The following SCIN variants were observed in gnomAD, a reference collection of about 807,000 sequenced individuals.
The protein encoded by SCIN is scinderin, also known as adseverin.
SCIN carries 91 observed loss-of-function variants against 91.8 expected under a neutral mutation model. That is an observed-to-expected ratio of 0.99 (90% confidence interval 0.84 to 1.18). The LOEUF (loss-of-function observed/expected upper bound fraction) is 1.18. Ranked by LOEUF, SCIN falls within the 50% of genes most tolerant of loss-of-function variation. The probability of loss-of-function intolerance (pLI) is 0.00; values close to 1 mark genes in which losing one functional copy is unlikely to be tolerated. For missense variants in SCIN, 1,087 were observed against 863.9 expected, an observed-to-expected ratio of 1.26 and a Z score of -3.24; for synonymous variants, 367 against 312.6, an observed-to-expected ratio of 1.17 and a Z score of -1.84.
intron 1 of SCIN, 66 bp downstream of exon 1, chr7:12,571,051 G>A: frequency 6.9e-7 from 1 of 1,457,842 alleles, no homozygotes; most frequent in Non-Finnish European, 9.2e-7. Context: ...GTAGGGGTCT[G>A]AGATTTGCAG....
At chr7:12,578,714 G>T (rs1194972430) in intron 2 of SCIN, among the ~76,000 whole-genome samples, 1 of 151,812 alleles carries the variant, frequency 6.6e-6, no homozygotes, top group Non-Finnish European at 1.5e-5. Flanking sequence ...TTCCAAAATA[G>T]TGTGGTTTGA....
At chr7:12,640,155 AG>A (rs1783828283) in intron 10 of SCIN, among the ~76,000 whole-genome samples, 191 bp from the exon 11 acceptor site, 1 of 152,228 alleles carries the variant, frequency 6.6e-6, no homozygotes, top group Non-Finnish European at 1.5e-5. Flanking sequence ...CGATAACAAA[AG>A]ATTCTCAAGT....
At chr7:12,644,916 G>A (rs975243434) in intron 13 of SCIN, among the ~76,000 whole-genome samples, 2 of 151,050 alleles carry the variant, frequency 1.3e-5, no homozygotes, top group Middle Eastern at 3.2e-3. Context: ...CGGGAGGCTT[G>A]AGGCAGGAGA....
Position 12,651,041 on chromosome 7 carries a change from A to G in SCIN, c.1960-800A>G, listed in dbSNP as rs1166769204. ...AGTTGATAAAGGGCAGATTAATAGG[A>G]GAAAAGGCATACAAATATATTAATG... On this transcript the variant is annotated intron_variant, in intron 14 of 15. Coordinates refer to ENST00000297029, the MANE Select transcript of SCIN (RefSeq NM_001112706.3). This position sits in a 1 kb window ranked among gnomAD's most constrained non-coding sequence, Gnocchi z 5.9. Among the ~76,000 whole-genome samples the G allele has an allele frequency of 6.6e-6, 1 of 152,204 alleles. No individual in the cohort carries two copies. Among genetic ancestry groups the G allele is most frequent in the Non-Finnish European group, 1.5e-5 (1 of 68,036 alleles).
At chr7:12,584,721 C>T (rs1026090212) in intron 3 of SCIN, among the ~76,000 whole-genome samples, 5 of 152,100 alleles carry the variant, frequency 3.3e-5, no homozygotes, top group Non-Finnish European at 7.4e-5. Context: ...CACTTTTGAA[C>T]AATATATTTT....
At chr7:12,626,899 G>A in intron 8 of SCIN, 100 bp downstream of exon 8, 3 of 1,050,672 alleles carry the variant, frequency 2.9e-6, no homozygotes, top group Non-Finnish European at 4.2e-6. Context: ...AGATCAGCCT[G>A]GCCAACATGG....
At chr7:12,645,905 G>A (rs2691808) in intron 13 of SCIN, among the ~76,000 whole-genome samples, 44,041 of 152,142 alleles carry the variant, frequency 0.29, 7,376 homozygotes, top group South Asian at 0.45. Flanking sequence ...ATATATATGT[G>A]GCTAGATGTG....
At chr7:12,600,444 A>G (rs1431690844) in intron 3 of SCIN, among the ~76,000 whole-genome samples, 1 of 152,210 alleles carries the variant, frequency 6.6e-6, no homozygotes, top group Non-Finnish European at 1.5e-5. Flanking sequence ...AGAAATCACC[A>G]CTAAAGAACT....
At chr7:12,592,641 A>G (rs1388189308) in intron 3 of SCIN, among the ~76,000 whole-genome samples, 3 of 151,956 alleles carry the variant, frequency 2.0e-5, no homozygotes, top group Non-Finnish European at 2.9e-5. Context: ...AGAAGCTTTG[A>G]CTTTGGCTAA....
chr7:12,640,373 T>C lies in SCIN; in HGVS notation c.1437T>C (p.Pro479=). 2 of 1,607,154 alleles carry C rather than the reference T, an allele frequency of 1.2e-6. No homozygotes were observed. The highest frequency in any genetic ancestry group is 1.7e-6 in the Non-Finnish European group (2 of 1,176,998). Residue 479 remains proline (P), a synonymous_variant, in exon 11 of 16, where the codon CCT becomes CCC. Transcript: ENST00000297029. Reference sequence around the variant, plus strand: ...TCCGAGTCTCCCAAGGCAAAGAGCCTGTTCACCTACTGAGTTTGTTCAAAG... The same window carrying C: ...TCCGAGTCTCCCAAGGCAAAGAGCCCGTTCACCTACTGAGTTTGTTCAAAG... ...VQIRVSQGKE[P]VHLLSLFKDK... is the part of the protein sequence containing the mutation.
intron 3 of SCIN, among the ~76,000 whole-genome samples, chr7:12,594,055 G>A (rs1782784852): frequency 6.6e-6 from 1 of 152,148 alleles, no homozygotes; most frequent in Non-Finnish European, 1.5e-5. Context: ...GGACATGGAC[G>A]ATCCCCTCAA....
chr7:12,644,511 A>G lies in SCIN; in HGVS notation c.1760-73A>G, dbSNP rs571539631. 1.6e-5 allele frequency: 25 copies of G among 1,570,178 alleles called. No individual in the cohort carries two copies. In the African/African-American group the frequency reaches 3.1e-4, roughly 20 times the overall value. On this transcript the variant is annotated intron_variant, in intron 12 of 15. Coordinates refer to ENST00000297029, the MANE Select transcript of SCIN (RefSeq NM_001112706.3). ...AACACTGAAATCAAGGTGAGATAAT[A>G]TTTGTTCATATAAAGCGACAGCAAG...
At chr7:12,631,387 G>A (rs1268146712) in intron 9 of SCIN, among the ~76,000 whole-genome samples, 2 of 152,154 alleles carry the variant, frequency 1.3e-5, no homozygotes, top group African/African-American at 4.8e-5. Flanking sequence ...GTGATCTTTG[G>A]ATAATTATAT....
At chr7:12,641,302 T>C (rs1783853510) in intron 11 of SCIN, among the ~76,000 whole-genome samples, 1 of 152,138 alleles carries the variant, frequency 6.6e-6, no homozygotes, top group African/African-American at 2.4e-5. Context: ...CTGATTTCTC[T>C]ACGACTGTCC....
chr7:12,600,314 G>A (rs1782932322), intron 3 of SCIN, among the ~76,000 whole-genome samples: 1 of 152,138 alleles, frequency 6.6e-6, no homozygotes, highest in African/African-American at 2.4e-5. Flanking sequence ...GAATGCAAAG[G>A]CATAAGAATA....
intron 11 of SCIN, among the ~76,000 whole-genome samples, chr7:12,643,589 C>G (rs1783897590): frequency 1.3e-5 from 2 of 152,156 alleles, no homozygotes; most frequent in Non-Finnish European, 2.9e-5. Context: ...CTCTAGTGTT[C>G]TCTCCTTCAA....
Position 12,636,110 on chromosome 7 carries a change from G to C in SCIN, c.1385G>C (p.Arg462Pro), listed in dbSNP as rs76010472. The C allele has an allele frequency of 3.7e-6, 6 of 1,612,682 alleles. No individual in the cohort carries two copies. The Admixed American group carries it at 5.0e-5, about 13-fold the overall frequency. Residue 462 changes from arginine (R) to proline (P), a missense_variant, in exon 10 of 16, where the codon CGG (arginine) becomes CCG (proline). By Grantham distance (103) the Arg-to-Pro change is moderately radical. Coordinates refer to ENST00000297029, the MANE Select transcript of SCIN (RefSeq NM_001112706.3). ...TSAFLTVQLD[R>P]SLGGQAVQIR... ...GCGTTCCTGACTGTTCAGTTGGATC[G>C]GTCCCTTGGAGGACAGGCTGTGCAG...
Position 12,660,056 on chromosome 7 carries a change from CTGACTCCACCG to C in SCIN, c.*7342_*7352del, listed in dbSNP as rs1784232713. 6 of 152,300 alleles carry C rather than the reference CTGACTCCACCG, an allele frequency of 3.9e-5. No individual in the cohort carries two copies. Among genetic ancestry groups the C allele is most frequent in the Admixed American group, 3.3e-4 (5 of 15,272 alleles). 9.4% of individuals were successfully genotyped at this position (152,300 alleles called of 1,614,324 possible). A position where few individuals can be genotyped will look rare whatever the true frequency, so the allele number is the denominator to read the frequency against. On this transcript the variant is annotated 3_prime_UTR_variant, in exon 16 of 16. Transcript: ENST00000297029. The stretch of plus-strand genomic sequence containing the variant: ...ACCCCCTGCCAGCAAAACATTGCTC[CTGACTCCACCG>C]CCTATCCCAAAACCTATAAGAACTA...
chr7:12,631,417 C>T (rs1783640886), intron 9 of SCIN, among the ~76,000 whole-genome samples: 1 of 152,116 alleles, frequency 6.6e-6, no homozygotes, highest in Admixed American at 6.5e-5. Context: ...CCACCATACC[C>T]CTAGGCTATT....
Sources: gnomAD v4.1 joint callset for allele counts (sites outside exome capture counted in the v4.1 genomes callset) on GRCh38, gnomAD v4.1.1 for gene constraint, Gnocchi (gnomAD v3.1) non-coding constraint, MANE v1.5 for transcripts, NCBI Gene and HGNC (gene_info 2026-07-23, HGNC 2026-07-21) for gene names.